The following MTMR3 variants were observed in gnomAD, a reference collection of about 807,000 sequenced individuals.
The protein encoded by MTMR3 is myotubularin related protein 3.
In MTMR3, 32 loss-of-function variants were observed where a neutral mutation model predicts 132.4. The ratio of observed to expected loss-of-function variants is 0.24; its 90% CI spans 0.18 to 0.32. The LOEUF (loss-of-function observed/expected upper bound fraction) is 0.32. Ranked by LOEUF, MTMR3 falls within the 10% of genes least tolerant of loss-of-function variation. MTMR3 has a pLI of 1.00. For synonymous variants in MTMR3, 556 were observed against 550.3 expected, an observed-to-expected ratio of 1.01 and a Z score of -0.14; for missense variants, 1,216 against 1,489.6, an observed-to-expected ratio of 0.82 and a Z score of 3.02.
chr22:29,939,877 G>T (rs984934921), intron 1 of MTMR3, among the ~76,000 whole-genome samples: 1 of 152,158 alleles, frequency 6.6e-6, no homozygotes. Flanking sequence ...CATGAAAGAT[G>T]ACATTCAACC....
At position 29,897,022 on chromosome 22, in the gene MTMR3, G is replaced by A. The variant is rs189946681; in HGVS notation, c.-138+13663G>A. Among the ~76,000 whole-genome samples, 742 of 151,630 alleles carry A rather than the reference G, an allele frequency of 4.9e-3. 3 individuals carry two copies. Among genetic ancestry groups the A allele is most frequent in the Non-Finnish European group, 8.0e-3 (545 of 67,874 alleles). ...TTTAAAAAATTTAGAAAAATATGGAGAATAAGTTAACAAACACCATGTACT... is the reference window on the plus strand; with the variant it reads ...TTTAAAAAATTTAGAAAAATATGGAAAATAAGTTAACAAACACCATGTACT... On this transcript the variant is annotated intron_variant, in intron 1 of 19. Coordinates refer to ENST00000401950, the MANE Select transcript of MTMR3 (RefSeq NM_021090.4).
intron 1 of MTMR3, among the ~76,000 whole-genome samples, chr22:29,954,910 C>G (rs971931432): frequency 2.0e-5 from 3 of 152,158 alleles, no homozygotes; most frequent in Non-Finnish European, 4.4e-5. Context: ...TATCCTTTTT[C>G]TAGTTACCAT....
intron 3 of MTMR3, among the ~76,000 whole-genome samples, chr22:29,977,619 A>C (rs1260934131): frequency 6.6e-6 from 1 of 152,202 alleles, no homozygotes; most frequent in African/African-American, 2.4e-5. Context: ...TTTCACATAT[A>C]ACCAGAGTAG....
chr22:29,898,933 A>C (rs2064954973), intron 1 of MTMR3, among the ~76,000 whole-genome samples: 1 of 145,730 alleles, frequency 6.9e-6, no homozygotes, highest in Non-Finnish European at 1.5e-5. Flanking sequence ...TTTTTAATGA[A>C]AGTAAGTAGT....
Position 30,019,964 on chromosome 22 carries a change from C to T in MTMR3, c.2305C>T (p.Gln769Ter), listed in dbSNP as rs2067703611. Reference protein sequence around the residue: ...PLFSQGISEQQSGLSVLLSSL... With the variant: ...PLFSQGISEQ The stretch of plus-strand genomic sequence containing the variant: ...GTTCTCACAGGGCATTTCTGAACAG[C>T]AGAGTGGGCTCAGTGTTCTCCTCAG... Residue 769 changes from glutamine (Q) to a stop codon, truncating the protein, a stop_gained, in exon 17 of 20, where the codon CAG (glutamine) becomes TAG (stop). Transcript: ENST00000401950. LOFTEE classifies it high-confidence loss of function. The T allele has an allele frequency of 6.2e-7, 1 of 1,614,094 alleles. No individual in the cohort carries two copies.
chr22:30,020,958 A>C (rs1047556962), intron 17 of MTMR3, 74 bp downstream of exon 17: 248 of 1,386,900 alleles, frequency 1.8e-4, no homozygotes, highest in Non-Finnish European at 2.2e-4. Context: ...CTTTGTGCCC[A>C]GTGCATGGTG....
intron 1 of MTMR3, among the ~76,000 whole-genome samples, chr22:29,908,720 G>GT (rs2065148452): frequency 6.6e-6 from 1 of 152,158 alleles, no homozygotes; most frequent in South Asian, 2.1e-4. Flanking sequence ...AAGTGACTGT[G>GT]TATACCACAG....
In MTMR3 at chr22:30,022,470, T is replaced by C. The variant is rs144162553; in HGVS notation, c.3337-139T>C. ...AACGATTTGGACGCCTTTCTTGTAC[T>C]GTTGACATCAGATCTGCTGGGCTGG... On this transcript the variant is annotated intron_variant, in intron 18 of 19. Coordinates refer to ENST00000401950, the MANE Select transcript of MTMR3 (RefSeq NM_021090.4). 1.5e-3 allele frequency: 1,067 copies of C among 724,824 alleles called. 12 individuals are homozygous for C. In the African/African-American group the frequency reaches 0.016, roughly 11 times the overall value. 44.9% of individuals were successfully genotyped at this position (724,824 alleles called of 1,614,324 possible).
At chr22:29,973,548 A>G (rs1203295052) in intron 3 of MTMR3, among the ~76,000 whole-genome samples, 1 of 152,200 alleles carries the variant, frequency 6.6e-6, no homozygotes, top group Non-Finnish European at 1.5e-5. Context: ...CGAACACTAG[A>G]TATGAATTCA....
rs7286610 is a variant in MTMR3, at chr22:29,915,735, T to C, written c.-138+32376T>C. The stretch of plus-strand genomic sequence containing the variant: ...CACTGCGCCCGGCTGACAGTCTCCT[T>C]TTAATTGTTGTTATTAAATGATGGG... On this transcript the variant is annotated intron_variant, in intron 1 of 19. Coordinates refer to ENST00000401950, the MANE Select transcript of MTMR3 (RefSeq NM_021090.4). 4.5e-3 allele frequency among the ~76,000 whole-genome samples: 680 copies of C among 152,304 alleles called. 6 individuals are homozygous for C. The highest frequency in any genetic ancestry group is 0.015 in the African/African-American group (642 of 41,576).
chr22:30,020,819 A>T lies in MTMR3; in HGVS notation c.3160A>T (p.Ser1054Cys), dbSNP rs1171010656. ...TLKKQVQELK[S>C]RLESQYLTSS... ...GAAGAAACAAGTCCAGGAGCTGAAGAGTCGCCTGGAGAGCCAGTACCTGAC... is the reference window on the plus strand; with the variant it reads ...GAAGAAACAAGTCCAGGAGCTGAAGTGTCGCCTGGAGAGCCAGTACCTGAC... Residue 1054 changes from serine to cysteine, a missense_variant, in exon 17 of 20, where the codon AGT becomes TGT. Transcript: ENST00000401950. The T allele has an allele frequency of 6.2e-7, 1 of 1,611,716 alleles. No homozygotes were observed.
chr22:29,954,059 CTTTTTTT>C lies in MTMR3; in HGVS notation c.-137-2959_-137-2953del, dbSNP rs59781649. On this transcript the variant is annotated intron_variant, in intron 1 of 19. Coordinates refer to ENST00000401950, the MANE Select transcript of MTMR3 (RefSeq NM_021090.4). Reference sequence around the variant, plus strand: ...CCCTTTTTTTTTCTTTCAAATGAGTCTTTTTTTTTTTTTTTTTTTTTTTTGTCTCTTA... The same window carrying C: ...CCCTTTTTTTTTCTTTCAAATGAGTCTTTTTTTTTTTTTTTTTGTCTCTTA... Among the ~76,000 whole-genome samples, 420 of 79,412 alleles carry C rather than the reference CTTTTTTT, an allele frequency of 5.3e-3. 4 individuals carry two copies. Among genetic ancestry groups the C allele is most frequent in the African/African-American group, 0.016 (311 of 18,920 alleles). The allele number at this position is 79,412 out of a possible 152,430, so 52.1% of individuals were successfully genotyped here.
At chr22:29,956,607 C>T (rs1435196953) in intron 1 of MTMR3, among the ~76,000 whole-genome samples, 1 of 152,084 alleles carries the variant, frequency 6.6e-6, no homozygotes, top group East Asian at 1.9e-4. Flanking sequence ...AGGTCAGATC[C>T]CTTGATAGAA....
At chr22:29,988,398 A>T in intron 5 of MTMR3, 82 bp from the exon 6 acceptor site, 1 of 961,902 alleles carries the variant, frequency 1.0e-6, no homozygotes, top group Non-Finnish European at 1.5e-6. Context: ...AGATCTTTTT[A>T]ATTAGTCTTG....
intron 3 of MTMR3, among the ~76,000 whole-genome samples, chr22:29,976,645 A>G (rs1986722491): frequency 6.6e-6 from 1 of 152,180 alleles, no homozygotes; most frequent in South Asian, 2.1e-4. Flanking sequence ...AGTTTTACCT[A>G]CCAGGTTTTT....
chr22:29,986,018 T>G (rs995700543), intron 5 of MTMR3: 1 of 152,226 alleles, frequency 6.6e-6, no homozygotes, highest in African/African-American at 2.4e-5. Context: ...ATTAGCTGGT[T>G]TTCATGTCTT....
chr22:29,992,475 C>T (rs1358403944), intron 7 of MTMR3: 1 of 152,096 alleles, frequency 6.6e-6, no homozygotes, highest in Non-Finnish European at 1.5e-5. Flanking sequence ...GTCTTTGTCC[C>T]CCTCACTGTC....
chr22:29,946,574 C>T (rs892756139), intron 1 of MTMR3, among the ~76,000 whole-genome samples: 7 of 152,046 alleles, frequency 4.6e-5, no homozygotes, highest in African/African-American at 1.2e-4. Flanking sequence ...ACAAGGAATC[C>T]GGAGGAAATG....
chr22:30,016,783 G>GT (rs2067602956), intron 15 of MTMR3, 85 bp downstream of exon 15: 1 of 1,438,606 alleles, frequency 7.0e-7, no homozygotes, highest in Non-Finnish European at 9.4e-7. Context: ...AGTAGTGACT[G>GT]TTTTTGTGAA....
Sources: allele counts gnomAD v4.1 joint callset (sites outside exome capture counted in the v4.1 genomes callset), GRCh38; gene constraint gnomAD v4.1.1; transcripts MANE v1.5; gene names NCBI Gene and HGNC (gene_info 2026-07-23, HGNC 2026-07-21).